The following FHIT variants were observed in gnomAD, a reference collection of about 807,000 sequenced individuals.
FHIT encodes fragile histidine triad diadenosine triphosphatase.
In FHIT, 19 loss-of-function variants were observed where a neutral mutation model predicts 17.9. The observed-to-expected ratio is 1.06, with a 90% CI of 0.74 to 1.56. The LOEUF (loss-of-function observed/expected upper bound fraction) is 1.56, where lower values mean the gene tolerates loss of function less well. Among genes scored for constraint, FHIT ranks in the 40% most tolerant of loss-of-function variants. FHIT has a pLI of 0.00. For missense variants in FHIT, 248 were observed against 189.2 expected (o/e 1.31, Z -1.82); for synonymous variants, 81 against 69.7 (o/e 1.16, Z -0.81).
At chr3:60,128,987 T>G (rs948956621) in intron 5 of FHIT, among the ~76,000 whole-genome samples, 8 of 152,090 alleles carry the variant, frequency 5.3e-5, no homozygotes, top group Non-Finnish European at 7.4e-5. Context: ...AATTCATTGA[T>G]TTCACACCTT....
intron 4 of FHIT, among the ~76,000 whole-genome samples, chr3:60,790,302 G>A (rs1479833040): frequency 3.9e-5 from 6 of 152,110 alleles, no homozygotes; most frequent in Non-Finnish European, 8.8e-5. Context: ...TCTAGATTTG[G>A]ACATGAAAAT....
chr3:59,923,874 T>A (rs568368640), intron 7 of FHIT, among the ~76,000 whole-genome samples: 1 of 152,084 alleles, frequency 6.6e-6, no homozygotes, highest in Admixed American at 6.5e-5. Flanking sequence ...CCAAGGTGAA[T>A]GAAGCAGAGA....
At chr3:61,159,773 C>CA (rs2037634966) in intron 2 of FHIT, among the ~76,000 whole-genome samples, 1 of 152,146 alleles carries the variant, frequency 6.6e-6, no homozygotes, top group Non-Finnish European at 1.5e-5. Context: ...CAACTTAAGT[C>CA]AAATTTACTA....
intron 3 of FHIT, among the ~76,000 whole-genome samples, chr3:60,861,624 C>G (rs750423231): frequency 3.9e-5 from 6 of 151,958 alleles, no homozygotes. Context: ...AGTCTAGTCT[C>G]TCATGTTCCC....
chr3:60,215,365 G>A (rs1440566505), intron 5 of FHIT, among the ~76,000 whole-genome samples: 1 of 151,954 alleles, frequency 6.6e-6, no homozygotes, highest in African/African-American at 2.4e-5. Flanking sequence ...TGTAATCCCA[G>A]CTACTAGGGA....
At chr3:60,064,204 T>C (rs76776309) in intron 5 of FHIT, among the ~76,000 whole-genome samples, 3,156 of 152,280 alleles carry the variant, frequency 0.021, 43 homozygotes, top group Non-Finnish European at 0.03. Flanking sequence ...TTTAAATCAA[T>C]AATATTAATG....
At chr3:59,883,957 G>A (rs1703514700) in intron 8 of FHIT, among the ~76,000 whole-genome samples, 1 of 152,190 alleles carries the variant, frequency 6.6e-6, no homozygotes, top group Admixed American at 6.5e-5. Context: ...TCACTCATAT[G>A]ATTGACAAAT....
At chr3:60,828,051 G>A (rs1214551074) in intron 3 of FHIT, among the ~76,000 whole-genome samples, 1 of 152,120 alleles carries the variant, frequency 6.6e-6, no homozygotes, top group Non-Finnish European at 1.5e-5. Flanking sequence ...AACCAAATAG[G>A]TGCATGATTG....
At chr3:60,169,329 G>A (rs994137479) in intron 5 of FHIT, among the ~76,000 whole-genome samples, 1 of 152,016 alleles carries the variant, frequency 6.6e-6, no homozygotes, top group African/African-American at 2.4e-5. Context: ...TGGTTATTCC[G>A]GGCTCCACAA....
intron 7 of FHIT, among the ~76,000 whole-genome samples, chr3:59,950,643 A>G (rs747914388): frequency 3.9e-5 from 6 of 152,122 alleles, no homozygotes; most frequent in Non-Finnish European, 8.8e-5. Context: ...AGGAGCAGTA[A>G]ACTCAATGGC....
chr3:59,769,352 G>A (rs1701959460), intron 8 of FHIT, among the ~76,000 whole-genome samples: 1 of 152,170 alleles, frequency 6.6e-6, no homozygotes, highest in African/African-American at 2.4e-5. Context: ...TGGCCCCACA[G>A]TGACACCTGC....
intron 5 of FHIT, among the ~76,000 whole-genome samples, chr3:60,485,028 C>T (rs2033775755): frequency 6.6e-6 from 1 of 152,026 alleles, no homozygotes; most frequent in African/African-American, 2.4e-5. Flanking sequence ...GAGACATTTA[C>T]ATAACCAACA....
rs139634362 is a variant in FHIT at position 60,114,922 on chromosome 3, G to A, written c.104-100770C>T. ...AATCATAGTATACTGAAAAGCCGCTGTCTGATAAAAGTTGGCAAGGCAGAT... is the reference window on the plus strand; with the variant it reads ...AATCATAGTATACTGAAAAGCCGCTATCTGATAAAAGTTGGCAAGGCAGAT... On this transcript the variant is annotated intron_variant, in intron 5 of 9. Coordinates refer to ENST00000492590, the MANE Select transcript of FHIT (RefSeq NM_002012.4). Among the ~76,000 whole-genome samples the A allele has an allele frequency of 7.5e-3, 1,136 of 152,284 alleles. 10 individuals are homozygous for A. The highest frequency in any genetic ancestry group is 0.026 in the African/African-American group (1,077 of 41,564).
chr3:60,214,245 C>T (rs1194798718), intron 5 of FHIT, among the ~76,000 whole-genome samples: 4 of 152,142 alleles, frequency 2.6e-5, no homozygotes, highest in African/African-American at 7.2e-5. Flanking sequence ...AGTCTAATCA[C>T]CTCATTATAC....
chr3:60,928,252 T>C (rs1707753967), intron 3 of FHIT, among the ~76,000 whole-genome samples: 1 of 149,056 alleles, frequency 6.7e-6, no homozygotes, highest in Admixed American at 6.8e-5. Context: ...TCCACTATTG[T>C]CCTATGACCC....
rs185274690 is a variant in FHIT at position 61,100,435 on chromosome 3, C to T, written c.-163-58336G>A. Among the ~76,000 whole-genome samples, 5 of 152,102 alleles carry T rather than the reference C, an allele frequency of 3.3e-5. No individual in the cohort carries two copies. In the South Asian group the frequency reaches 1.0e-3, roughly 32 times the overall value. On this transcript the variant is annotated intron_variant, in intron 2 of 9. Transcript: ENST00000492590. The stretch of plus-strand genomic sequence containing the variant: ...ATAGTATTCCATGGTGTATATGTGC[C>T]ACATTTTCCTTATCCAGTCTATCAT...
chr3:61,245,219 T>C (rs2040461270), intron 1 of FHIT, among the ~76,000 whole-genome samples: 1 of 152,242 alleles, frequency 6.6e-6, no homozygotes, highest in South Asian at 2.1e-4. Context: ...TACCAGTTAC[T>C]GTGTTAAGCA....
chr3:60,419,299 C>G (rs375711020), intron 5 of FHIT, among the ~76,000 whole-genome samples: 5 of 152,182 alleles, frequency 3.3e-5, no homozygotes, highest in African/African-American at 9.7e-5. Flanking sequence ...ACACTCACCT[C>G]TCTATCATTC....
chr3:59,908,990 C>T (rs1704731977), intron 8 of FHIT, among the ~76,000 whole-genome samples: 1 of 151,862 alleles, frequency 6.6e-6, no homozygotes, highest in African/African-American at 2.4e-5. Flanking sequence ...AAACTGTAGA[C>T]TATCACATCA....
Sources: gnomAD v4.1 joint callset for allele counts (sites outside exome capture counted in the v4.1 genomes callset) on GRCh38, gnomAD v4.1.1 for gene constraint, MANE v1.5 for transcripts, NCBI Gene and HGNC (gene_info 2026-07-23, HGNC 2026-07-21) for gene names.